The following PIBF1 variants were observed in gnomAD, a reference collection of about 807,000 sequenced individuals.
The protein encoded by PIBF1 is progesterone-induced-blocking factor 1.
PIBF1 carries 90 observed loss-of-function variants against 112.5 expected under a neutral mutation model. That is an observed-to-expected ratio of 0.80 (90% CI 0.67 to 0.95). The LOEUF is 0.95. PIBF1 is among the 40% of genes least tolerant of loss of function. The pLI is 0.00. For missense variants in PIBF1, 915 were observed against 852.3 expected, an observed-to-expected ratio of 1.07 and a Z score of -0.92; for synonymous variants, 301 against 288.6, an observed-to-expected ratio of 1.04 and a Z score of -0.44.
chr13:72,860,154 AG>A (rs1238352344), intron 10 of PIBF1, among the ~76,000 whole-genome samples: 1 of 152,166 alleles, frequency 6.6e-6, no homozygotes, highest in Non-Finnish European at 1.5e-5. Flanking sequence ...TAGCTTGATG[AG>A]TTTAAAGCCC....
chr13:72,977,671 G>A (rs984709858), intron 16 of PIBF1, among the ~76,000 whole-genome samples: 1 of 152,138 alleles, frequency 6.6e-6, no homozygotes, highest in Non-Finnish European at 1.5e-5. Context: ...AACATTTGGG[G>A]CATGACCACA....
chr13:72,827,639 T>C (rs2036881548), intron 7 of PIBF1, 94 bp from the exon 8 acceptor site: 1 of 735,902 alleles, frequency 1.4e-6, no homozygotes. Context: ...TTTCATGTGG[T>C]GAATGAAAAC....
At position 72,828,383 on chromosome 13, in the gene PIBF1, C is replaced by T. The variant is rs113549158; in HGVS notation, c.1097+469C>T. 4.2e-3 allele frequency among the ~76,000 whole-genome samples: 642 copies of T among 151,794 alleles called. 1 individual carries two copies. Among genetic ancestry groups the T allele is most frequent in the Non-Finnish European group, 7.7e-3 (520 of 67,942 alleles). The stretch of plus-strand genomic sequence containing the variant: ...TGGTGGTTTGCTGCACCCATCAACC[C>T]GTCACCTACATTAGATATTTCTCCT... On this transcript the variant is annotated intron_variant, in intron 8 of 17. Coordinates refer to ENST00000326291, the MANE Select transcript of PIBF1 (RefSeq NM_006346.4).
chr13:72,840,308 T>C (rs1246246616), intron 9 of PIBF1, among the ~76,000 whole-genome samples: 2 of 152,192 alleles, frequency 1.3e-5, no homozygotes, highest in African/African-American at 4.8e-5. Context: ...AGAATTTTAA[T>C]ATTTCCTGTT....
At chr13:72,949,639 T>C (rs553887722) in intron 14 of PIBF1, among the ~76,000 whole-genome samples, 1 of 152,334 alleles carries the variant, frequency 6.6e-6, no homozygotes, top group African/African-American at 2.4e-5. Context: ...TCATACTTTT[T>C]TGACCATGAC....
intron 14 of PIBF1, among the ~76,000 whole-genome samples, chr13:72,963,488 G>A (rs1331295204): frequency 6.6e-6 from 1 of 152,250 alleles, no homozygotes; most frequent in East Asian, 1.9e-4. Context: ...CAGCTACTCA[G>A]AAGGCTGAGG....
intron 5 of PIBF1, among the ~76,000 whole-genome samples, chr13:72,807,994 C>G (rs1041294222): frequency 1.1e-4 from 17 of 151,982 alleles, no homozygotes; most frequent in African/African-American, 3.4e-4. Context: ...CTTTTTTTTC[C>G]ATTTGTCAGT....
chr13:72,872,689 G>A (rs1361605998), intron 10 of PIBF1, among the ~76,000 whole-genome samples: 1 of 152,050 alleles, frequency 6.6e-6, no homozygotes, highest in Non-Finnish European at 1.5e-5. Context: ...TTCTGAAAAT[G>A]CCATGGCTAG....
At chr13:72,879,082 A>G (rs1220994163) in intron 10 of PIBF1, among the ~76,000 whole-genome samples, 1 of 152,174 alleles carries the variant, frequency 6.6e-6, no homozygotes. Flanking sequence ...GCATTTACAT[A>G]CAATGTGATT....
At chr13:72,828,012 G>C in intron 8 of PIBF1, 98 bp downstream of exon 8, 1 of 650,462 alleles carries the variant, frequency 1.5e-6, no homozygotes, top group Non-Finnish European at 2.4e-6. Flanking sequence ...ATTTTTTTAA[G>C]GTCTATTCTA....
chr13:72,789,533 A>G lies in PIBF1; in HGVS notation c.253-2914A>G, dbSNP rs557530254. ...AAACTCTTTTTATTTATCTCTCATT[A>G]GAGATCTGTGGGTTCCTTATTACCT... On this transcript the variant is annotated intron_variant, in intron 2 of 17. Coordinates refer to ENST00000326291, the MANE Select transcript of PIBF1 (RefSeq NM_006346.4). Among the ~76,000 whole-genome samples, 152 of 152,186 alleles carry G rather than the reference A, an allele frequency of 1.0e-3. 1 individual carries two copies. Among genetic ancestry groups the G allele is most frequent in the African/African-American group, 3.3e-3 (139 of 41,526 alleles).
At chr13:72,981,458 A>C (rs1003702417) in intron 16 of PIBF1, among the ~76,000 whole-genome samples, 1 of 152,138 alleles carries the variant, frequency 6.6e-6, no homozygotes, top group African/African-American at 2.4e-5. Context: ...AATCAGCTTT[A>C]GACCACCAGT....
intron 14 of PIBF1, among the ~76,000 whole-genome samples, chr13:72,959,816 G>C (rs1289525893): frequency 3.3e-5 from 5 of 152,176 alleles, no homozygotes; most frequent in Admixed American, 2.6e-4. Context: ...TCTGTAAAAT[G>C]TTGTGTCATG....
In PIBF1 at chr13:72,851,100, T is replaced by G. The variant is rs7996787; in HGVS notation, c.1224-2957T>G. 1.9e-3 allele frequency among the ~76,000 whole-genome samples: 283 copies of G among 152,320 alleles called. 1 individual carries two copies. Among genetic ancestry groups the G allele is most frequent in the African/African-American group, 6.2e-3 (256 of 41,580 alleles). Reference sequence around the variant, plus strand: ...CCATCTGGAGCAGCTGTTGTAAAGATGCCAGCTGCAGTGGGGGAGGCGCGT... The same window carrying G: ...CCATCTGGAGCAGCTGTTGTAAAGAGGCCAGCTGCAGTGGGGGAGGCGCGT... On this transcript the variant is annotated intron_variant, in intron 9 of 17. Coordinates refer to ENST00000326291, the MANE Select transcript of PIBF1 (RefSeq NM_006346.4).
chr13:72,827,422 C>T (rs1401073948), intron 7 of PIBF1, among the ~76,000 whole-genome samples: 1 of 151,540 alleles, frequency 6.6e-6, no homozygotes, highest in Non-Finnish European at 1.5e-5. Flanking sequence ...CTAATTTTTA[C>T]ATTTTTAGTA....
At chr13:72,918,383 A>ATTTTTT (rs60024983) in intron 13 of PIBF1, among the ~76,000 whole-genome samples, 1 of 102,962 alleles carries the variant, frequency 9.7e-6, no homozygotes, top group Non-Finnish European at 1.9e-5. Flanking sequence ...GCAACTACCT[A>ATTTTTT]TTTTTTTTTT....
rs116541493 is a variant in PIBF1, at chr13:72,828,630, C to T, written c.1097+716C>T. Among the ~76,000 whole-genome samples the T allele has an allele frequency of 6.9e-3, 1,054 of 152,152 alleles. 15 individuals are homozygous for T. Among genetic ancestry groups the T allele is most frequent in the African/African-American group, 0.024 (1,017 of 41,528 alleles). ...CTCATCCTTTTTAATGGCTGCATAG[C>T]ATATATATTCCATGGTACATATGTG... On this transcript the variant is annotated intron_variant, in intron 8 of 17. Transcript: ENST00000326291.
intron 9 of PIBF1, among the ~76,000 whole-genome samples, chr13:72,849,489 TTATTA>T (rs2038032171): frequency 6.6e-6 from 1 of 152,232 alleles, no homozygotes; most frequent in Non-Finnish European, 1.5e-5. Context: ...AATGGATTAC[TTATTA>T]TATGAAAGTT....
chr13:72,811,753 CTA>C (rs569544669), intron 5 of PIBF1, among the ~76,000 whole-genome samples: 1 of 152,114 alleles, frequency 6.6e-6, no homozygotes, highest in Non-Finnish European at 1.5e-5. Context: ...CCTCTCTTGC[CTA>C]TACCTCTAAA....
Sources: gnomAD v4.1 joint callset for allele counts (sites outside exome capture counted in the v4.1 genomes callset) on GRCh38, gnomAD v4.1.1 for gene constraint, MANE v1.5 for transcripts, NCBI Gene and HGNC (gene_info 2026-07-23, HGNC 2026-07-21) for gene names.